The following PRKD3 variants were observed in gnomAD, a reference collection of about 807,000 sequenced individuals.
The protein encoded by PRKD3 is protein kinase D3, also known as serine/threonine-protein kinase D3.
Under a neutral mutation model 99.2 loss-of-function variants are expected in PRKD3, and 47 were observed. The ratio of observed to expected loss-of-function variants is 0.47; its 90% CI spans 0.38 to 0.60. The LOEUF (loss-of-function observed/expected upper bound fraction) is 0.60, where lower values mean the gene tolerates loss of function less well. Among genes scored for constraint, PRKD3 ranks in the 20% least tolerant of loss-of-function variants. The pLI, the probability that PRKD3 is intolerant of heterozygous loss-of-function variation, is 0.00. For synonymous variants in PRKD3, 392 were observed against 355.4 expected (o/e 1.10, Z -1.16); for missense variants, 1,019 against 1,088.4 (o/e 0.94, Z 0.90).
Position 37,286,361 on chromosome 2 carries a change from G to T in PRKD3, c.726C>A (p.Val242=), listed in dbSNP as rs549155987. 5.6e-6 allele frequency: 9 copies of T among 1,613,364 alleles called. No homozygotes were observed. In the South Asian group the frequency reaches 6.6e-5, roughly 12 times the overall value. ...YVALPSEESH[V]HQEPSKRIPS... is the part of the protein sequence containing the mutation. Reference sequence around the variant, plus strand: ...GAATTCTCTTACTTGGTTCCTGGTGGACATGTGACTATAACATAAGTAATT... The same window carrying T: ...GAATTCTCTTACTTGGTTCCTGGTGTACATGTGACTATAACATAAGTAATT... Residue 242 remains valine, a synonymous_variant, in exon 6 of 19, where the codon GTC becomes GTA. Coordinates refer to ENST00000234179, the MANE Select transcript of PRKD3 (RefSeq NM_005813.6).
At chr2:37,294,804 C>T (rs1318041946) in intron 2 of PRKD3, among the ~76,000 whole-genome samples, 1 of 152,176 alleles carries the variant, frequency 6.6e-6, no homozygotes, top group Non-Finnish European at 1.5e-5. Context: ...GCCAGATGCA[C>T]TGGCTCATGC....
rs550406727 is a variant in PRKD3 at position 37,288,555 on chromosome 2, T to A, written c.717+801A>T. Among the ~76,000 whole-genome samples, 4 of 152,344 alleles carry A rather than the reference T, an allele frequency of 2.6e-5. No homozygotes were observed. In the East Asian group the frequency reaches 7.7e-4, roughly 29 times the overall value. On this transcript the variant is annotated intron_variant, in intron 5 of 18. Coordinates refer to ENST00000234179, the MANE Select transcript of PRKD3 (RefSeq NM_005813.6). ...TAAGATTACAACCTACAGATGGAAG[T>A]CATTTCAAATACTATGAAATGTACA...
Position 37,253,061 on chromosome 2 carries a change from A to T in PRKD3, c.*116T>A. 1 of 1,096,272 alleles carries T rather than the reference A, an allele frequency of 9.1e-7. No homozygotes were observed. Among genetic ancestry groups the T allele is most frequent in the Admixed American group, 2.5e-5 (1 of 40,138 alleles). The allele number at this position is 1,096,272 out of a possible 1,614,324, so 67.9% of individuals were successfully genotyped here. On this transcript the variant is annotated 3_prime_UTR_variant, in exon 19 of 19. Transcript: ENST00000234179. ...ACAGTACTGGTGTCACTTATTCGTT[A>T]TCATATTTCTTCATATCTTTGCAGC...
intron 17 of PRKD3, among the ~76,000 whole-genome samples, chr2:37,256,165 G>T (rs552895158): frequency 6.6e-6 from 1 of 152,284 alleles, no homozygotes; most frequent in East Asian, 1.9e-4. Context: ...GGGAAAAACA[G>T]TCCCAAGCAA....
chr2:37,298,708 T>G (rs1274362291), intron 2 of PRKD3, among the ~76,000 whole-genome samples: 2 of 152,168 alleles, frequency 1.3e-5, no homozygotes, highest in Non-Finnish European at 2.9e-5. Context: ...ATAATTTTCT[T>G]GGTTTCTATT....
chr2:37,322,753 C>CA (rs1476667439), intron 1 of PRKD3, among the ~76,000 whole-genome samples: 1 of 152,036 alleles, frequency 6.6e-6, no homozygotes, highest in Non-Finnish European at 1.5e-5. Context: ...GAGGGCTACT[C>CA]AAAGAGATAC....
At chr2:37,322,564 T>A (rs898202301) in intron 1 of PRKD3, among the ~76,000 whole-genome samples, 1 of 152,260 alleles carries the variant, frequency 6.6e-6, no homozygotes, top group African/African-American at 2.4e-5. Context: ...TGAATCCATG[T>A]TGAGCTTGAC....
chr2:37,269,515 C>G lies in PRKD3; in HGVS notation c.1777+100G>C, dbSNP rs777356643. On this transcript the variant is annotated intron_variant, in intron 13 of 18. Coordinates refer to ENST00000234179, the MANE Select transcript of PRKD3 (RefSeq NM_005813.6). ...CAAGTCAGCCTTTAAAAAAAAGGCA[C>G]TGGACAAAACTATGAGATGACAAAA... The G allele has an allele frequency of 3.9e-6, 4 of 1,038,366 alleles. No homozygotes were observed. In the African/African-American group the frequency reaches 4.8e-5, roughly 12 times the overall value. The allele number at this position is 1,038,366 out of a possible 1,614,324, so 64.3% of individuals were successfully genotyped here.
chr2:37,286,944 C>G (rs997524011), intron 5 of PRKD3, among the ~76,000 whole-genome samples: 1 of 151,964 alleles, frequency 6.6e-6, no homozygotes, highest in African/African-American at 2.4e-5. Context: ...TCTGCCTGGT[C>G]TTCTGGCCAG....
At chr2:37,279,251 C>G (rs1187650404) in intron 8 of PRKD3, 1 of 152,202 alleles carries the variant, frequency 6.6e-6, no homozygotes, top group Non-Finnish European at 1.5e-5. Context: ...GTTTTACAGT[C>G]TAATAGTATT....
chr2:37,307,247 G>C (rs1029686148), intron 2 of PRKD3, among the ~76,000 whole-genome samples: 1 of 152,100 alleles, frequency 6.6e-6, no homozygotes, highest in Non-Finnish European at 1.5e-5. Flanking sequence ...TATAACATTT[G>C]CCAGTAAAAT....
At chr2:37,303,643 G>A (rs544834421) in intron 2 of PRKD3, among the ~76,000 whole-genome samples, 42 of 152,124 alleles carry the variant, frequency 2.8e-4, no homozygotes, top group South Asian at 1.5e-3. Flanking sequence ...TGAGTGTGGC[G>A]GACTGAGTAA....
At chr2:37,273,099 A>G (rs535960866) in intron 11 of PRKD3, among the ~76,000 whole-genome samples, 4 of 152,258 alleles carry the variant, frequency 2.6e-5, no homozygotes, top group South Asian at 2.1e-4. Flanking sequence ...GGGGACAAAG[A>G]GTTTTTATAC....
intron 17 of PRKD3, among the ~76,000 whole-genome samples, chr2:37,255,138 C>T (rs1667830517): frequency 6.6e-6 from 1 of 152,210 alleles, no homozygotes; most frequent in Non-Finnish European, 1.5e-5. Context: ...CACACTGCCT[C>T]AGGAGGTCTG....
intron 8 of PRKD3, 156 bp from the exon 9 acceptor site, chr2:37,278,145 T>G: frequency 4.3e-6 from 2 of 464,702 alleles, no homozygotes; most frequent in Admixed American, 8.0e-5. Context: ...AATCCTGTTA[T>G]GATGATACAT....
At chr2:37,314,668 T>C (rs1235765390) in intron 2 of PRKD3, among the ~76,000 whole-genome samples, 2 of 149,728 alleles carry the variant, frequency 1.3e-5, no homozygotes, top group East Asian at 2.0e-4. Context: ...TTTCCAAAGA[T>C]TGAAAACTAA....
chr2:37,265,109 G>C (rs1668748921), intron 14 of PRKD3, among the ~76,000 whole-genome samples: 1 of 152,006 alleles, frequency 6.6e-6, no homozygotes, highest in Non-Finnish European at 1.5e-5. Context: ...TCAACAGCAG[G>C]ATGAACTACA....
intron 9 of PRKD3, among the ~76,000 whole-genome samples, chr2:37,276,490 T>C (rs1336394974): frequency 1.3e-5 from 2 of 152,158 alleles, no homozygotes; most frequent in Non-Finnish European, 2.9e-5. Context: ...TCATATTCTT[T>C]GTCCATTTTC....
intron 12 of PRKD3, 111 bp from the exon 13 acceptor site, chr2:37,269,798 A>G (rs1314337357): frequency 5.2e-6 from 4 of 768,528 alleles, no homozygotes; most frequent in Non-Finnish European, 8.1e-6. Context: ...AGAAGCAGCT[A>G]ATTTCCATAA....
Sources: allele counts gnomAD v4.1 joint callset (sites outside exome capture counted in the v4.1 genomes callset), GRCh38; gene constraint gnomAD v4.1.1; transcripts MANE v1.5; gene names NCBI Gene and HGNC (gene_info 2026-07-23, HGNC 2026-07-21).